Variants in SMG6 observed in about 807,000 individuals in gnomAD.
The protein encoded by SMG6 is telomerase-binding protein EST1A.
Under a neutral mutation model 142.2 loss-of-function variants are expected in SMG6, and 66 were observed. The observed-to-expected ratio is 0.46, with a 90% confidence interval of 0.38 to 0.57. The LOEUF is 0.57. SMG6 is among the 20% of genes least tolerant of loss of function. The pLI, the probability that SMG6 is intolerant of heterozygous loss-of-function variation, is 0.00. For missense variants in SMG6, 1,793 were observed against 1,832.0 expected (o/e 0.98, Z 0.39); for synonymous variants, 779 against 702.4 (o/e 1.11, Z -1.72).
intron 15 of SMG6, 47 bp downstream of exon 15, chr17:2,081,763 G>C (rs547972263): frequency 1.9e-6 from 3 of 1,606,558 alleles, no homozygotes; most frequent in South Asian, 2.2e-5. Flanking sequence ...TCATGCCCTA[G>C]ACAGCAACCC....
rs1387938730 is a variant in SMG6 at position 2,068,048 on chromosome 17, G to A, written c.3835+730C>T. 1.3e-5 allele frequency among the ~76,000 whole-genome samples: 2 copies of A among 152,158 alleles called. No individual in the cohort carries two copies. The highest frequency in any genetic ancestry group is 1.9e-4 in the East Asian group (1 of 5,192). On this transcript the variant is annotated intron_variant, in intron 16 of 18. Transcript: ENST00000263073. This position sits in a 1 kb window ranked among gnomAD's most constrained non-coding sequence, Gnocchi z 6.7. The stretch of plus-strand genomic sequence containing the variant: ...AGGCCATCAGCTAGATATGAGCCCA[G>A]AGCCCAGAGCCCACCCTGAGGCTGA...
At position 2,184,960 on chromosome 17, in the gene SMG6, C is replaced by CAAAAAAAAAAA. The variant is rs58230459; in HGVS notation, c.3155+1692_3155+1702dup. ...TGGGAGACAGAGCGGGACTCCATCT[C>CAAAAAAAAAAA]AAAAAAAAAAAAAAAAAAAAAAAAA... On this transcript the variant is annotated intron_variant, in intron 12 of 18. Transcript: ENST00000263073. 7.1e-4 allele frequency among the ~76,000 whole-genome samples: 16 copies of CAAAAAAAAAAA among 22,476 alleles called. 5 individuals are homozygous for CAAAAAAAAAAA. The highest frequency in any genetic ancestry group is 8.3e-3 in the South Asian group (2 of 240). 14.7% of individuals were successfully genotyped at this position (22,476 alleles called of 152,430 possible).
At chr17:2,174,659 G>A (rs1331805223) in intron 12 of SMG6, among the ~76,000 whole-genome samples, 1 of 152,188 alleles carries the variant, frequency 6.6e-6, no homozygotes, top group Non-Finnish European at 1.5e-5. Context: ...TGTTTGGGAA[G>A]AATCACCGGA....
intron 4 of SMG6, among the ~76,000 whole-genome samples, chr17:2,293,460 T>C (rs1247230589): frequency 1.0e-5 from 1 of 98,660 alleles, no homozygotes; most frequent in African/African-American, 2.9e-5. Flanking sequence ...GTTTACTCTA[T>C]TCTTTTTTTT....
rs761013492 is a variant in SMG6 at position 2,236,631 on chromosome 17, C to G, written c.2730G>C (p.Glu910Asp). ...CCTTCTCAGCCACTGCAGGGAATGT[C>G]TCCATCCTGCAGATTCAGAAAACCC... ...HGKLFTRIGM[E>D]TFPAVAEKVL... Residue 910 changes from glutamate to aspartate, a missense_variant, in exon 10 of 19, where the codon GAG becomes GAC. Physicochemically the swap from Glu to Asp is conservative, Grantham distance 45. Transcript: ENST00000263073. The G allele has an allele frequency of 1.2e-6, 2 of 1,611,370 alleles. No homozygotes were observed. The highest frequency in any genetic ancestry group is 8.5e-7 in the Non-Finnish European group (1 of 1,178,742).
chr17:2,124,792 T>G (rs981467273), intron 13 of SMG6, among the ~76,000 whole-genome samples: 66 of 152,208 alleles, frequency 4.3e-4, no homozygotes, highest in African/African-American at 1.5e-3. Context: ...GGGGGTTTCC[T>G]GGTTTAATTA....
At chr17:2,095,162 C>G (rs949813894) in intron 13 of SMG6, 10 of 152,280 alleles carry the variant, frequency 6.6e-5, no homozygotes, top group Admixed American at 6.5e-4. Context: ...ACTGAACCAG[C>G]AGGGGAGGCT....
At chr17:2,215,601 C>G (rs2072992348) in intron 10 of SMG6, 1 of 152,038 alleles carries the variant, frequency 6.6e-6, no homozygotes, top group Non-Finnish European at 1.5e-5. Flanking sequence ...CATATGAAGT[C>G]TATTAGGGTG....
intron 13 of SMG6, among the ~76,000 whole-genome samples, chr17:2,115,008 T>TA (rs1292968549): frequency 1.8e-4 from 22 of 118,972 alleles, no homozygotes; most frequent in Admixed American, 3.1e-4. Context: ...ATAAAATAAT[T>TA]AAAAAAAAAG....
chr17:2,155,716 T>C (rs2070980113), intron 13 of SMG6, among the ~76,000 whole-genome samples: 1 of 152,150 alleles, frequency 6.6e-6, no homozygotes, highest in African/African-American at 2.4e-5. Flanking sequence ...AAGGAAATGG[T>C]ACAGAAACGC....
chr17:2,301,913 G>A (rs1001788386), intron 1 of SMG6, among the ~76,000 whole-genome samples: 3 of 152,160 alleles, frequency 2.0e-5, no homozygotes, highest in Admixed American at 6.5e-5. Context: ...AAAAGTGACA[G>A]AATTCGGGAG....
intron 10 of SMG6, among the ~76,000 whole-genome samples, chr17:2,234,871 T>C (rs1453949539): frequency 6.6e-6 from 1 of 152,198 alleles, no homozygotes; most frequent in East Asian, 1.9e-4. Flanking sequence ...CAAGCACAGC[T>C]AATTTTTGGT....
intron 12 of SMG6, among the ~76,000 whole-genome samples, chr17:2,174,397 G>A (rs1327110928): frequency 6.6e-6 from 1 of 152,244 alleles, no homozygotes; most frequent in Non-Finnish European, 1.5e-5. Context: ...GCCACCGAAG[G>A]TGACAGTGGG....
chr17:2,220,223 G>A (rs1313159937), intron 10 of SMG6, among the ~76,000 whole-genome samples: 1 of 152,140 alleles, frequency 6.6e-6, no homozygotes, highest in African/African-American at 2.4e-5. Context: ...AAAACAACAT[G>A]AAACGCAGAC....
intron 6 of SMG6, among the ~76,000 whole-genome samples, chr17:2,287,290 T>C (rs1480601673): frequency 6.6e-6 from 1 of 152,206 alleles, no homozygotes; most frequent in Non-Finnish European, 1.5e-5. Context: ...AAATGACCAA[T>C]GTGCATATGA....
Position 2,236,599 on chromosome 17 carries a change from T to C in SMG6, c.2762A>G (p.Lys921Arg), listed in dbSNP as rs770203616. 6.2e-7 allele frequency: 1 copy of C among 1,613,630 alleles called. No homozygotes were observed. The highest frequency in any genetic ancestry group is 1.1e-5 in the South Asian group (1 of 90,984). Reference sequence around the variant, plus strand: ...GTGCTGCAGTAACACCTGGAACTCCTTGAGGACCTTCTCAGCCACTGCAGG... The same window carrying C: ...GTGCTGCAGTAACACCTGGAACTCCCTGAGGACCTTCTCAGCCACTGCAGG... ...TFPAVAEKVLKEFQVLLQHSP... is the reference protein window; with the variant it reads ...TFPAVAEKVLREFQVLLQHSP... Residue 921 changes from lysine to arginine, a missense_variant, in exon 10 of 19, where the codon AAG (lysine) becomes AGG (arginine). Lys to Arg is a conservative substitution (Grantham distance 26). Around this residue, in one of 3 missense-constraint regions of SMG6, gnomAD observed 1,597 missense variants for 1,584.6 expected, o/e 1.01. Coordinates refer to ENST00000263073, the MANE Select transcript of SMG6 (RefSeq NM_017575.5).
rs909760132 is a variant in SMG6, at chr17:2,071,630, C to T, written c.3682-2699G>A. ...ACAACTTCCCTTAACCTGGCTCTGC[C>T]CAGTGAGTCACCAAACAACTGCTTC... is the stretch of plus-strand genomic sequence containing the variant. On this transcript the variant is annotated intron_variant, in intron 15 of 18. Coordinates refer to ENST00000263073, the MANE Select transcript of SMG6 (RefSeq NM_017575.5). The surrounding 1 kb of genome is among the most constrained non-coding windows in gnomAD (Gnocchi z 5.6). Among the ~76,000 whole-genome samples, 1 of 152,170 alleles carries T rather than the reference C, an allele frequency of 6.6e-6. No individual in the cohort carries two copies. The highest frequency in any genetic ancestry group is 1.5e-5 in the Non-Finnish European group (1 of 68,030).
At chr17:2,146,025 A>G (rs913523566) in intron 13 of SMG6, among the ~76,000 whole-genome samples, 2 of 152,190 alleles carry the variant, frequency 1.3e-5, no homozygotes, top group African/African-American at 2.4e-5. Context: ...CCTTTCCTAA[A>G]TATTTCTCTT....
At chr17:2,115,135 G>A (rs965539497) in intron 13 of SMG6, among the ~76,000 whole-genome samples, 11 of 152,100 alleles carry the variant, frequency 7.2e-5, no homozygotes, top group African/African-American at 2.4e-4. Flanking sequence ...AGCTGAGGAG[G>A]ATGGGTTCTA....
Sources: gnomAD v4.1 joint callset for allele counts (sites outside exome capture counted in the v4.1 genomes callset) on GRCh38, gnomAD v4.1.1 for gene constraint, gnomAD v4.1.1 regional missense constraint, Gnocchi (gnomAD v3.1) non-coding constraint, MANE v1.5 for transcripts, NCBI Gene and HGNC (gene_info 2026-07-23, HGNC 2026-07-21) for gene names.